Variants in KY observed in about 807,000 individuals in gnomAD.
The protein encoded by KY is kyphoscoliosis peptidase.
In KY, 43 loss-of-function variants were observed where a neutral mutation model predicts 76.1. The observed-to-expected ratio is 0.57, with a 90% CI of 0.44 to 0.73. KY has a LOEUF of 0.73. Among genes scored for constraint, KY ranks in the 30% least tolerant of loss-of-function variants. The pLI is 0.00. For synonymous variants in KY, 277 were observed against 326.2 expected, an observed-to-expected ratio of 0.85 and a Z score of 1.63; for missense variants, 722 against 828.9, an observed-to-expected ratio of 0.87 and a Z score of 1.58.
chr3:134,602,462 C>G lies in KY; in HGVS notation c.*1117G>C, dbSNP rs571591392. On this transcript the variant is annotated 3_prime_UTR_variant, in exon 11 of 11. Transcript: ENST00000423778. Reference sequence around the variant, plus strand: ...AGGAGACGGGATAGGATGTTTTCTCCGAGACAGGCACAAAAGCTGCTCTCG... The same window carrying G: ...AGGAGACGGGATAGGATGTTTTCTCGGAGACAGGCACAAAAGCTGCTCTCG... Among the ~76,000 whole-genome samples the G allele has an allele frequency of 1.3e-5, 2 of 152,154 alleles. No individual in the cohort carries two copies. Among genetic ancestry groups the G allele is most frequent in the Non-Finnish European group, 2.9e-5 (2 of 68,006 alleles).
intron 2 of KY, 41 bp from the exon 3 acceptor site, chr3:134,643,419 G>A (rs767279263): frequency 6.4e-7 from 1 of 1,571,978 alleles, no homozygotes; most frequent in African/African-American, 1.4e-5. Flanking sequence ...GACCACTGGG[G>A]AATTTTCCCC....
In KY at chr3:134,601,536, A is replaced by G. The variant is rs1398644174; in HGVS notation, c.*2043T>C. The stretch of plus-strand genomic sequence containing the variant: ...GCCCATAAAATCAGAAGTGTGCAAG[A>G]CGGCTGTTTTCAGGGTGTAAAACTC... On this transcript the variant is annotated 3_prime_UTR_variant, in exon 11 of 11. Coordinates refer to ENST00000423778, the MANE Select transcript of KY (RefSeq NM_178554.6). Among the ~76,000 whole-genome samples the G allele has an allele frequency of 6.6e-6, 1 of 152,258 alleles. No homozygotes were observed. The highest frequency in any genetic ancestry group is 1.5e-5 in the Non-Finnish European group (1 of 68,044).
chr3:134,649,076 A>C (rs954565723), intron 1 of KY, among the ~76,000 whole-genome samples: 1 of 152,366 alleles, frequency 6.6e-6, no homozygotes, highest in African/African-American at 2.4e-5. Context: ...CCCACCAGGC[A>C]TCAAAAGCCA....
rs35084772 is a variant in KY at position 134,612,751 on chromosome 3, C to CTGTGTGTGTGTGTGTGTGTG, written c.711-2388_711-2369dup. Among the ~76,000 whole-genome samples, 16 of 125,486 alleles carry CTGTGTGTGTGTGTGTGTGTG rather than the reference C, an allele frequency of 1.3e-4. No homozygotes were observed. In the East Asian group the frequency reaches 2.1e-3, roughly 16 times the overall value. 82.3% of individuals were successfully genotyped at this position (125,486 alleles called of 152,430 possible). On this transcript the variant is annotated intron_variant, in intron 8 of 10. Coordinates refer to ENST00000423778, the MANE Select transcript of KY (RefSeq NM_178554.6). ...CAGTCAGCACAATGTCACGCCGATG[C>CTGTGTGTGTGTGTGTGTGTG]TGTGTGTGTGTGTGTGTGTGTGTGT...
intron 8 of KY, among the ~76,000 whole-genome samples, chr3:134,612,284 G>C (rs1960618274): frequency 6.6e-6 from 1 of 152,238 alleles, no homozygotes; most frequent in Non-Finnish European, 1.5e-5. Flanking sequence ...AGAGAAACTA[G>C]ATCCCAGTGT....
At chr3:134,647,644 G>C (rs1966594702) in intron 1 of KY, 147 bp from the exon 2 acceptor site, 1 of 586,462 alleles carries the variant, frequency 1.7e-6, no homozygotes, top group South Asian at 2.3e-5. Flanking sequence ...AGATGCCCTT[G>C]AGGGAATGAA....
chr3:134,639,485 G>A (rs1328701287), intron 3 of KY, among the ~76,000 whole-genome samples: 1 of 152,200 alleles, frequency 6.6e-6, no homozygotes, highest in East Asian at 1.9e-4. Context: ...GACCATTCAT[G>A]ATTCCTTCTA....
intron 6 of KY, among the ~76,000 whole-genome samples, chr3:134,623,891 AGGCCCTAT>A (rs1963048884): frequency 6.6e-6 from 1 of 152,148 alleles, no homozygotes; most frequent in African/African-American, 2.4e-5. Context: ...TGATGGCTCC[AGGCCCTAT>A]GGGCTTCCTC....
chr3:134,631,574 C>A (rs760387044), intron 3 of KY, among the ~76,000 whole-genome samples: 1 of 151,994 alleles, frequency 6.6e-6, no homozygotes, highest in Non-Finnish European at 1.5e-5. Flanking sequence ...AAATATATGA[C>A]AACTACAACA....
At chr3:134,609,255 G>T (rs1959863765) in intron 9 of KY, among the ~76,000 whole-genome samples, 1 of 152,186 alleles carries the variant, frequency 6.6e-6, no homozygotes, top group South Asian at 2.1e-4. Flanking sequence ...CAGCTGTGCT[G>T]GCGGGGACCT....
chr3:134,629,054 C>T (rs1342773772), intron 4 of KY, among the ~76,000 whole-genome samples: 5 of 152,272 alleles, frequency 3.3e-5, no homozygotes, highest in East Asian at 1.9e-4. Context: ...GGGAGAGGAC[C>T]GAGAAGGGAG....
At position 134,620,869 on chromosome 3, in the gene KY, G is replaced by A; in HGVS notation, c.484-12C>T. The A allele has an allele frequency of 1.9e-6, 3 of 1,577,428 alleles. No homozygotes were observed. Among genetic ancestry groups the A allele is most frequent in the Non-Finnish European group, 2.6e-6 (3 of 1,150,266 alleles). On this transcript the variant is annotated splice_polypyrimidine_tract_variant and intron_variant, in intron 6 of 10. Coordinates refer to ENST00000423778, the MANE Select transcript of KY (RefSeq NM_178554.6). ...CTCTTGGCTGTCACCTGGGGAGCAGGAAGGGTGTGCTGTATTAGGGCCTCG... is the reference window on the plus strand; with the variant it reads ...CTCTTGGCTGTCACCTGGGGAGCAGAAAGGGTGTGCTGTATTAGGGCCTCG...
chr3:134,647,143 C>A (rs1966537316), intron 2 of KY, among the ~76,000 whole-genome samples: 1 of 152,194 alleles, frequency 6.6e-6, no homozygotes, highest in Admixed American at 6.5e-5. Flanking sequence ...TCAAACCTCA[C>A]CATCCCAAGG....
At chr3:134,618,528 C>A in intron 8 of KY, among the ~76,000 whole-genome samples, 1 of 113,148 alleles carries the variant, frequency 8.8e-6, no homozygotes, top group East Asian at 3.2e-4. Context: ...CAGTGGCCAT[C>A]CCCTCCCCCC....
chr3:134,603,744 G>C lies in KY; in HGVS notation c.1821C>G (p.Val607=). 1 of 1,612,474 alleles carries C rather than the reference G, an allele frequency of 6.2e-7. No homozygotes were observed. The highest frequency in any genetic ancestry group is 2.2e-5 in the East Asian group (1 of 44,842). The change falls in exon 11 of 11, where the codon GTC becomes GTG. Residue 607 remains valine, a synonymous_variant. Transcript: ENST00000423778. ...FKLKLHGIAK[V]LVKGQDTWPL... ...GCCATGTGTCCTGCCCCTTCACCAGGACTTTGGCAATACCATGCAGCTTCA... is the reference window on the plus strand; with the variant it reads ...GCCATGTGTCCTGCCCCTTCACCAGCACTTTGGCAATACCATGCAGCTTCA...
At chr3:134,624,847 T>G (rs1963214855) in intron 6 of KY, among the ~76,000 whole-genome samples, 1 of 151,246 alleles carries the variant, frequency 6.6e-6, no homozygotes, top group Non-Finnish European at 1.5e-5. Context: ...GTGGGTGGGC[T>G]GGGGGATGGA....
Position 134,636,514 on chromosome 3 carries a change from A to G in KY, c.262+6802T>C, listed in dbSNP as rs533886942. ...CAGCCATGTGAATGAGCCAGGTTGT[A>G]GATGAGAGCCCACATGGAGCACAGC... On this transcript the variant is annotated intron_variant, in intron 3 of 10. Coordinates refer to ENST00000423778, the MANE Select transcript of KY (RefSeq NM_178554.6). 2.0e-5 allele frequency among the ~76,000 whole-genome samples: 3 copies of G among 152,330 alleles called. No individual in the cohort carries two copies. In the East Asian group the frequency reaches 5.8e-4, roughly 29 times the overall value.
chr3:134,619,023 G>A lies in KY; in HGVS notation c.710+125C>T, dbSNP rs77822640. On this transcript the variant is annotated intron_variant, in intron 8 of 10. Transcript: ENST00000423778. ...AAATTGACCTTTTCAGGACTCACTT[G>A]GGTTCCAGAGCAGAGTTTGTAAACT... 3,221 of 735,488 alleles carry A rather than the reference G, an allele frequency of 4.4e-3. 61 individuals are homozygous for A. The African/African-American group carries it at 0.046, about 10-fold the overall frequency. The allele number at this position is 735,488 out of a possible 1,614,324, so 45.6% of individuals were successfully genotyped here. A position where few individuals can be genotyped will look rare whatever the true frequency, so the allele number is the denominator to read the frequency against.
chr3:134,629,631 G>T lies in KY; in HGVS notation c.327C>A (p.Ser109=). The T allele has an allele frequency of 6.2e-7, 1 of 1,600,156 alleles. No individual in the cohort carries two copies. Among genetic ancestry groups the T allele is most frequent in the South Asian group, 1.1e-5 (1 of 88,160 alleles). ...CTGTGTCATACATACGTTTAGCCAAGGAGAACTTCTTGAGCAGCTGGGGCA... is the reference window on the plus strand; with the variant it reads ...CTGTGTCATACATACGTTTAGCCAATGAGAACTTCTTGAGCAGCTGGGGCA... ...DAMPQLLKKF[S]LAKRLQGDKN... The change falls in exon 4 of 11, where the codon TCC becomes TCA. Residue 109 remains serine, a synonymous_variant. Transcript: ENST00000423778.
Sources: gnomAD v4.1 joint callset for allele counts (sites outside exome capture counted in the v4.1 genomes callset) on GRCh38, gnomAD v4.1.1 for gene constraint, MANE v1.5 for transcripts, NCBI Gene and HGNC (gene_info 2026-07-23, HGNC 2026-07-21) for gene names.